ZNF92: variants seen among roughly 807,000 people sequenced by gnomAD.
The protein encoded by ZNF92 is epididymis luminal protein 203.
In ZNF92, 11 loss-of-function variants were observed where a neutral mutation model predicts 12.4. The observed-to-expected ratio is 0.89, with a 90% confidence interval of 0.56 to 1.47. The LOEUF (loss-of-function observed/expected upper bound fraction) is 1.47. Among genes scored for constraint, ZNF92 ranks in the 40% most tolerant of loss-of-function variants. The pLI, the probability that ZNF92 is intolerant of heterozygous loss-of-function variation, is 0.00. For synonymous variants in ZNF92, 206 were observed against 228.6 expected (o/e 0.90, Z 0.89); for missense variants, 622 against 681.0 (o/e 0.91, Z 0.96).
rs1362554625 is a variant in ZNF92, at chr7:65,398,708, G to A, written c.594G>A (p.Glu198=). The A allele has an allele frequency of 1.2e-6, 2 of 1,611,774 alleles. No homozygotes were observed. The highest frequency in any genetic ancestry group is 2.7e-5 in the African/African-American group (2 of 74,804). ...LTQHKKIHTR[E]YSYKCEECGK... The stretch of plus-strand genomic sequence containing the variant: ...AACATAAGAAAATTCATACTAGAGA[G>A]TATTCTTACAAATGTGAAGAATGTG... The change falls in exon 4 of 4, where the codon GAG becomes GAA. Residue 198 remains glutamate (E), a synonymous_variant. Coordinates refer to ENST00000328747, the MANE Select transcript of ZNF92 (RefSeq NM_152626.4).
intron 3 of ZNF92, among the ~76,000 whole-genome samples, chr7:65,397,180 G>A (rs115023258): frequency 0.012 from 1,836 of 151,930 alleles, 47 homozygotes; most frequent in African/African-American, 0.04. Context: ...TGGTTATCTC[G>A]TAAGAGTATG....
At chr7:65,374,084 C>T in intron 1 of ZNF92, 84 bp downstream of exon 1, 1 of 1,585,974 alleles carries the variant, frequency 6.3e-7, no homozygotes, top group Non-Finnish European at 8.6e-7. Flanking sequence ...GGCCTCGGGC[C>T]TTCCCGCAGT....
intron 1 of ZNF92, among the ~76,000 whole-genome samples, chr7:65,381,951 T>G (rs557511992): frequency 7.8e-4 from 119 of 152,204 alleles, no homozygotes; most frequent in Non-Finnish European, 1.4e-3. Flanking sequence ...GAGCTATTGC[T>G]TTAAAATGCA....
In ZNF92 at chr7:65,399,190, A is replaced by G. The variant is rs1236796773; in HGVS notation, c.1076A>G (p.His359Arg). 2.5e-6 allele frequency: 4 copies of G among 1,613,386 alleles called. No homozygotes were observed. Among genetic ancestry groups the G allele is most frequent in the Non-Finnish European group, 2.5e-6 (3 of 1,179,782 alleles). Residue 359 changes from histidine to arginine, a missense_variant, in exon 4 of 4, where the codon CAT becomes CGT. Coordinates refer to ENST00000328747, the MANE Select transcript of ZNF92 (RefSeq NM_152626.4). Reference sequence around the variant, plus strand: ...AACCAGTTCTCAAACCTTACTAAACATAAGATAATTCATACTGGAGAGAAA... The same window carrying G: ...AACCAGTTCTCAAACCTTACTAAACGTAAGATAATTCATACTGGAGAGAAA... ...AFNQFSNLTK[H>R]KIIHTGEKPY...
At chr7:65,398,022 C>G (rs917458116) in intron 3 of ZNF92, among the ~76,000 whole-genome samples, 2 of 148,378 alleles carry the variant, frequency 1.3e-5, no homozygotes, top group Non-Finnish European at 3.0e-5. Context: ...CAATTTGTTG[C>G]TGAAGACACT....
chr7:65,396,222 A>G (rs1033291651), intron 3 of ZNF92, among the ~76,000 whole-genome samples: 10 of 152,050 alleles, frequency 6.6e-5, no homozygotes, highest in Non-Finnish European at 1.2e-4. Flanking sequence ...ATTTAAAATG[A>G]TTTTTTAAAG....
Position 65,398,957 on chromosome 7 carries a change from A to G in ZNF92, c.843A>G (p.Glu281=), listed in dbSNP as rs1335049356. Residue 281 remains glutamate, a synonymous_variant, in exon 4 of 4, where the codon GAA becomes GAG. Coordinates refer to ENST00000328747, the MANE Select transcript of ZNF92 (RefSeq NM_152626.4). The stretch of plus-strand genomic sequence containing the variant: ...CTAAACATAAAAGAATTCATACAGA[A>G]GAGAAACCCTACAAATGTGAAGAAT... The part of the protein sequence containing the change: ...TLTKHKRIHT[E]EKPYKCEECG... 1.2e-6 allele frequency: 2 copies of G among 1,613,358 alleles called. No individual in the cohort carries two copies. The highest frequency in any genetic ancestry group is 2.7e-5 in the African/African-American group (2 of 74,862).
In ZNF92 at chr7:65,379,367, A is replaced by T. The variant is rs139376221; in HGVS notation, c.3+5367A>T. Among the ~76,000 whole-genome samples, 273 of 152,182 alleles carry T rather than the reference A, an allele frequency of 1.8e-3. 2 individuals are homozygous for T. Among genetic ancestry groups the T allele is most frequent in the Middle Eastern group, 6.8e-3 (2 of 294 alleles). ...AGATATCACGGAGGCCTGGCCTGGAATGGAACTCTGGGTGTCTGGGAATGG... is the reference window on the plus strand; with the variant it reads ...AGATATCACGGAGGCCTGGCCTGGATTGGAACTCTGGGTGTCTGGGAATGG... On this transcript the variant is annotated intron_variant, in intron 1 of 3. Coordinates refer to ENST00000328747, the MANE Select transcript of ZNF92 (RefSeq NM_152626.4).
At chr7:65,382,874 A>G (rs1024734127) in intron 1 of ZNF92, among the ~76,000 whole-genome samples, 4 of 152,252 alleles carry the variant, frequency 2.6e-5, no homozygotes, top group Admixed American at 1.3e-4. Context: ...TATAAGGCTC[A>G]AAGAGACATT....
chr7:65,378,938 T>C (rs1793328680), intron 1 of ZNF92, among the ~76,000 whole-genome samples: 1 of 152,124 alleles, frequency 6.6e-6, no homozygotes, highest in Admixed American at 6.6e-5. Context: ...AGAATTTTGT[T>C]AATCACAGCT....
chr7:65,380,885 TG>T (rs1793390565), intron 1 of ZNF92, among the ~76,000 whole-genome samples: 1 of 152,150 alleles, frequency 6.6e-6, no homozygotes, highest in African/African-American at 2.4e-5. Context: ...TTTTGGTAAT[TG>T]CCATTCTTAC....
chr7:65,394,194 GT>G (rs1184524458), intron 3 of ZNF92, among the ~76,000 whole-genome samples: 7 of 151,566 alleles, frequency 4.6e-5, no homozygotes, highest in East Asian at 3.9e-4. Context: ...AGATTTGTTA[GT>G]TTTTTTTATG....
At chr7:65,381,494 G>A (rs751981292) in intron 1 of ZNF92, among the ~76,000 whole-genome samples, 8 of 151,760 alleles carry the variant, frequency 5.3e-5, no homozygotes, top group Admixed American at 5.3e-4. Context: ...ATAGTTTCTT[G>A]TGGGTTTTGT....
intron 3 of ZNF92, among the ~76,000 whole-genome samples, chr7:65,396,011 C>G (rs1229091672): frequency 6.6e-6 from 1 of 152,052 alleles, no homozygotes; most frequent in Non-Finnish European, 1.5e-5. Context: ...ACCTCCCAAA[C>G]TCAGATGATC....
intron 1 of ZNF92, among the ~76,000 whole-genome samples, chr7:65,384,642 G>C (rs1178321149): frequency 6.6e-6 from 1 of 151,978 alleles, no homozygotes; most frequent in African/African-American, 2.4e-5. Flanking sequence ...CCACAAACAA[G>C]TAAATATAAA....
chr7:65,374,067 T>A (rs1793166073), intron 1 of ZNF92, 67 bp downstream of exon 1: 14 of 1,608,856 alleles, frequency 8.7e-6, no homozygotes, highest in Non-Finnish European at 1.2e-5. Context: ...TGGAAGTGGC[T>A]GTGGCGGGCC....
chr7:65,396,401 A>G (rs1400593001), intron 3 of ZNF92, among the ~76,000 whole-genome samples: 1 of 152,016 alleles, frequency 6.6e-6, no homozygotes, highest in Non-Finnish European at 1.5e-5. Context: ...AATCATCTTG[A>G]AAAATGAAGA....
intron 1 of ZNF92, among the ~76,000 whole-genome samples, chr7:65,387,440 G>C (rs1793599899): frequency 6.6e-6 from 1 of 151,682 alleles, no homozygotes; most frequent in South Asian, 2.1e-4. Context: ...ATCTTCTTGG[G>C]CAAAAATCAT....
chr7:65,380,623 C>T (rs1405395686), intron 1 of ZNF92, among the ~76,000 whole-genome samples: 2 of 152,072 alleles, frequency 1.3e-5, no homozygotes, highest in South Asian at 2.1e-4. Context: ...AGGTTAATTC[C>T]ATGTCTTTGG....
Sources: allele counts gnomAD v4.1 joint callset (sites outside exome capture counted in the v4.1 genomes callset), GRCh38; gene constraint gnomAD v4.1.1; transcripts MANE v1.5; gene names NCBI Gene and HGNC (gene_info 2026-07-23, HGNC 2026-07-21).